The following NKAIN3 variants were observed in gnomAD, a reference collection of about 807,000 sequenced individuals.
NKAIN3 encodes sodium/potassium-transporting ATPase subunit beta-1-interacting protein 3.
Under a neutral mutation model 30.2 loss-of-function variants are expected in NKAIN3, and 25 were observed. The ratio of observed to expected loss-of-function variants is 0.83; its 90% CI spans 0.60 to 1.16. The LOEUF (loss-of-function observed/expected upper bound fraction) is 1.16, where lower values mean the gene tolerates loss of function less well. Ranked by LOEUF, NKAIN3 falls within the 50% of genes most tolerant of loss-of-function variation. The pLI, the probability that NKAIN3 is intolerant of heterozygous loss-of-function variation, is 0.00. For missense variants in NKAIN3, 225 were observed against 254.1 expected, an observed-to-expected ratio of 0.89 and a Z score of 0.78; for synonymous variants, 91 against 89.6, an observed-to-expected ratio of 1.02 and a Z score of -0.09.
chr8:62,637,396 G>T (rs186162120), intron 3 of NKAIN3, among the ~76,000 whole-genome samples: 13 of 152,230 alleles, frequency 8.5e-5, no homozygotes, highest in Admixed American at 3.9e-4. Flanking sequence ...TTCTGGCCCC[G>T]CAAGTAAACT....
At chr8:62,858,245 G>A (rs181795849) in intron 4 of NKAIN3, among the ~76,000 whole-genome samples, 2 of 151,598 alleles carry the variant, frequency 1.3e-5, no homozygotes, top group Non-Finnish European at 2.9e-5. Flanking sequence ...CTCCATCCCG[G>A]GGGGTACGGA....
chr8:62,316,699 T>G (rs1479511766), intron 1 of NKAIN3, among the ~76,000 whole-genome samples: 1 of 152,178 alleles, frequency 6.6e-6, no homozygotes. Context: ...TTGGGTTGGT[T>G]CCAAGTCTTT....
intron 1 of NKAIN3, among the ~76,000 whole-genome samples, chr8:62,447,609 A>T (rs540055165): frequency 1.2e-4 from 19 of 152,136 alleles, no homozygotes; most frequent in Middle Eastern, 3.4e-3. Context: ...TTTCTCTGAC[A>T]TAGGTCCAAC....
chr8:62,377,470 T>C (rs1305132491), intron 1 of NKAIN3, among the ~76,000 whole-genome samples: 1 of 152,218 alleles, frequency 6.6e-6, no homozygotes, highest in Non-Finnish European at 1.5e-5. Flanking sequence ...ATGAATAGCA[T>C]TAATGCACTA....
intron 4 of NKAIN3, among the ~76,000 whole-genome samples, chr8:62,827,971 A>G (rs1819076202): frequency 1.3e-5 from 2 of 152,202 alleles, no homozygotes; most frequent in Non-Finnish European, 2.9e-5. Flanking sequence ...ATGAAAGTTC[A>G]TAGCAGATTT....
At chr8:62,824,109 T>G (rs73684091) in intron 4 of NKAIN3, among the ~76,000 whole-genome samples, 3,051 of 152,206 alleles carry the variant, frequency 0.02, 113 homozygotes, top group African/African-American at 0.07. Flanking sequence ...GGAAGGAGAT[T>G]GAGATTTTAT....
intron 1 of NKAIN3, among the ~76,000 whole-genome samples, chr8:62,503,921 G>A (rs1260381909): frequency 2.6e-5 from 4 of 152,100 alleles, no homozygotes; most frequent in Admixed American, 2.0e-4. Context: ...AGGGTCCTGA[G>A]GTGATGTACC....
chr8:62,912,191 G>C (rs1346974059), intron 4 of NKAIN3, among the ~76,000 whole-genome samples: 2 of 152,050 alleles, frequency 1.3e-5, no homozygotes, highest in Admixed American at 6.6e-5. Context: ...AAATATAGAA[G>C]AAGTACAGTA....
chr8:62,764,609 C>A (rs558002756), intron 4 of NKAIN3, among the ~76,000 whole-genome samples: 5 of 152,224 alleles, frequency 3.3e-5, no homozygotes, highest in African/African-American at 1.2e-4. Context: ...GAACTACAAG[C>A]GTGTGCCACC....
chr8:62,800,269 GATTATAA>G (rs1818012438), intron 4 of NKAIN3, among the ~76,000 whole-genome samples: 1 of 152,122 alleles, frequency 6.6e-6, no homozygotes, highest in African/African-American at 2.4e-5. Context: ...TATGCAATGG[GATTATAA>G]TTTTGTATAT....
chr8:62,866,740 C>T lies in NKAIN3; in HGVS notation c.472-51713C>T, dbSNP rs142296635. Among the ~76,000 whole-genome samples the T allele has an allele frequency of 3.8e-4, 58 of 152,074 alleles. 1 individual carries two copies. The East Asian group carries it at 0.01, about 27-fold the overall frequency. Reference sequence around the variant, plus strand: ...AATAATCCATTGTTTGAGGTGTTTGCGGTTGTCTTAAAAATTAAAGTATTG... The same window carrying T: ...AATAATCCATTGTTTGAGGTGTTTGTGGTTGTCTTAAAAATTAAAGTATTG... On this transcript the variant is annotated intron_variant, in intron 4 of 6. Coordinates refer to ENST00000623646, the MANE Select transcript of NKAIN3 (RefSeq NM_001304533.3).
chr8:62,887,964 G>A (rs1208208736), intron 4 of NKAIN3, among the ~76,000 whole-genome samples: 1 of 152,152 alleles, frequency 6.6e-6, no homozygotes, highest in Non-Finnish European at 1.5e-5. Context: ...CTGATAGCTG[G>A]ACGTAAGTGC....
chr8:62,996,902 CCTCTGCGGCTGCTT>C (rs1261579586), intron 5 of NKAIN3, among the ~76,000 whole-genome samples: 1 of 152,156 alleles, frequency 6.6e-6, no homozygotes, highest in Non-Finnish European at 1.5e-5. Context: ...CAGGGTATGG[CCTCTGCGGCTGCTT>C]TCACAGGCTG....
intron 1 of NKAIN3, among the ~76,000 whole-genome samples, chr8:62,396,076 G>T (rs1362581098): frequency 6.6e-6 from 1 of 152,166 alleles, no homozygotes; most frequent in Non-Finnish European, 1.5e-5. Context: ...TATTTTAATA[G>T]CACACTATAC....
At chr8:62,538,684 A>G (rs1041027384) in intron 1 of NKAIN3, among the ~76,000 whole-genome samples, 1 of 152,172 alleles carries the variant, frequency 6.6e-6, no homozygotes, top group Non-Finnish European at 1.5e-5. Flanking sequence ...ACTAAATATG[A>G]TTTCAGCCTC....
chr8:62,486,536 C>A (rs1806908857), intron 1 of NKAIN3, among the ~76,000 whole-genome samples: 2 of 152,052 alleles, frequency 1.3e-5, no homozygotes, highest in Non-Finnish European at 2.9e-5. Flanking sequence ...AGTTTTATGT[C>A]TGGTGTAGCT....
At chr8:62,586,111 G>A (rs1050064063) in intron 2 of NKAIN3, among the ~76,000 whole-genome samples, 7 of 152,136 alleles carry the variant, frequency 4.6e-5, no homozygotes, top group African/African-American at 1.2e-4. Flanking sequence ...TGAAAAGTCC[G>A]CAATTTAGTT....
At chr8:62,267,787 A>G (rs1384675) in intron 1 of NKAIN3, among the ~76,000 whole-genome samples, 99,447 of 152,050 alleles carry the variant, frequency 0.65, 32,736 homozygotes, top group African/African-American at 0.73. Flanking sequence ...GCTACTGAAA[A>G]TATGTCCCAT....
At chr8:62,273,531 T>C (rs1057209941) in intron 1 of NKAIN3, among the ~76,000 whole-genome samples, 2 of 152,224 alleles carry the variant, frequency 1.3e-5, no homozygotes, top group Non-Finnish European at 2.9e-5. Flanking sequence ...TCTTCTATCA[T>C]GCAGCAGACA....
Sources: allele counts gnomAD v4.1 joint callset (sites outside exome capture counted in the v4.1 genomes callset), GRCh38; gene constraint gnomAD v4.1.1; transcripts MANE v1.5; gene names NCBI Gene and HGNC (gene_info 2026-07-23, HGNC 2026-07-21).